Variants in PGCKA1 observed in about 807,000 individuals in gnomAD.
The protein encoded by PGCKA1 is PDCD10 and GCKIII kinases associated 1.
the PGCKA1 span, chr4:37,590,990 AGACT>A: frequency 8.7e-6 from 14 of 1,609,318 alleles, no homozygotes; most frequent in Non-Finnish European, 9.3e-6. Flanking sequence ...GATTTGGATG[AGACT>A]GATTAGGGGA....
chr4:37,536,247 G>T, the PGCKA1 span, among the ~76,000 whole-genome samples: 1 of 152,196 alleles, frequency 6.6e-6, no homozygotes, highest in Non-Finnish European at 1.5e-5. Context: ...ATCCTATTAG[G>T]ACTTTGACCC....
the PGCKA1 span, among the ~76,000 whole-genome samples, chr4:37,500,927 G>A: frequency 6.6e-6 from 1 of 152,078 alleles, no homozygotes; most frequent in African/African-American, 2.4e-5. Flanking sequence ...CTGAAATTAG[G>A]ACTGCAGCCC....
the PGCKA1 span, among the ~76,000 whole-genome samples, chr4:37,528,387 C>T: frequency 6.6e-6 from 1 of 152,166 alleles, no homozygotes; most frequent in Non-Finnish European, 1.5e-5. Flanking sequence ...GCAGCCGCAT[C>T]TCACCCAAGA....
the PGCKA1 span, among the ~76,000 whole-genome samples, chr4:37,557,829 T>G: frequency 8.5e-5 from 13 of 152,222 alleles, no homozygotes; most frequent in African/African-American, 3.1e-4. Flanking sequence ...TGTCAGGAGC[T>G]GGGCTGCAAA....
chr4:37,508,681 A>ATATTTTTTTTTT, the PGCKA1 span, among the ~76,000 whole-genome samples: 1 of 45,480 alleles, frequency 2.2e-5, no homozygotes, highest in Non-Finnish European at 4.3e-5. Context: ...TTTTTGCTGA[A>ATATTTTTTTTTT]TCTTTTTTTT....
chr4:37,500,226 GTCTT>G, the PGCKA1 span, among the ~76,000 whole-genome samples: 1 of 152,036 alleles, frequency 6.6e-6, no homozygotes, highest in Admixed American at 6.6e-5. Flanking sequence ...GCCCAGCCAA[GTCTT>G]TCTAACTTTT....
chr4:37,453,918 C>A, the PGCKA1 span: 2 of 152,530 alleles, frequency 1.3e-5, no homozygotes, highest in Non-Finnish European at 2.9e-5. Flanking sequence ...GCGGCCGCTG[C>A]GAGCTCGGCG....
At chr4:37,508,581 T>C in the PGCKA1 span, among the ~76,000 whole-genome samples, 4 of 151,906 alleles carry the variant, frequency 2.6e-5, no homozygotes, top group South Asian at 6.3e-4. Context: ...ACAATAAACA[T>C]CCACAGACAT....
At chr4:37,564,735 G>A in the PGCKA1 span, among the ~76,000 whole-genome samples, 3 of 152,068 alleles carry the variant, frequency 2.0e-5, no homozygotes, top group African/African-American at 7.2e-5. Context: ...TCGAACTCCT[G>A]ACCTCAGGTG....
the PGCKA1 span, among the ~76,000 whole-genome samples, chr4:37,544,606 T>C: frequency 6.6e-6 from 1 of 151,988 alleles, no homozygotes; most frequent in Non-Finnish European, 1.5e-5. Flanking sequence ...TCTGTTGAAA[T>C]AGTTATTTTT....
the PGCKA1 span, among the ~76,000 whole-genome samples, chr4:37,454,994 T>C: frequency 6.6e-6 from 1 of 152,220 alleles, no homozygotes; most frequent in African/African-American, 2.4e-5. Flanking sequence ...ATTTTCTTCC[T>C]GTCACTATTT....
At chr4:37,553,664 A>G in the PGCKA1 span, among the ~76,000 whole-genome samples, 1 of 152,238 alleles carries the variant, frequency 6.6e-6, no homozygotes, top group Non-Finnish European at 1.5e-5. Flanking sequence ...CAGATATGTT[A>G]AAAGGTAAAT....
At chr4:37,509,581 A>G in the PGCKA1 span, among the ~76,000 whole-genome samples, 1 of 151,922 alleles carries the variant, frequency 6.6e-6, no homozygotes, top group Non-Finnish European at 1.5e-5. Flanking sequence ...CAGAGGCTGC[A>G]ATCTCGGCAC....
chr4:37,466,661 G>A, the PGCKA1 span, among the ~76,000 whole-genome samples: 1 of 149,408 alleles, frequency 6.7e-6, no homozygotes. Context: ...TCCTAGGATA[G>A]TCAATAAGAT....
chr4:37,462,406 T>A, the PGCKA1 span, among the ~76,000 whole-genome samples: 1 of 152,224 alleles, frequency 6.6e-6, no homozygotes, highest in Non-Finnish European at 1.5e-5. Flanking sequence ...TTCTATTTGG[T>A]CTTTGGAGGA....
the PGCKA1 span, among the ~76,000 whole-genome samples, chr4:37,454,716 T>G: frequency 0.023 from 3,562 of 152,320 alleles, 61 homozygotes; most frequent in Non-Finnish European, 0.039. Flanking sequence ...TAGGTTGCAT[T>G]GACCTTGGCA....
the PGCKA1 span, chr4:37,588,670 A>T: frequency 1.4e-5 from 8 of 561,032 alleles, no homozygotes; most frequent in Non-Finnish European, 2.6e-5. Context: ...GCGGTGATGG[A>T]AATGGGGTAT....
chr4:37,546,965 G>A, the PGCKA1 span, among the ~76,000 whole-genome samples: 1 of 152,264 alleles, frequency 6.6e-6, no homozygotes, highest in Non-Finnish European at 1.5e-5. Flanking sequence ...TTGAGTGGAA[G>A]TGTGGCCTGA....
the PGCKA1 span, among the ~76,000 whole-genome samples, chr4:37,507,753 G>A: frequency 6.6e-6 from 1 of 151,994 alleles, no homozygotes; most frequent in Non-Finnish European, 1.5e-5. Context: ...TTTTCTGTGT[G>A]CTTATGATTA....
Sources: allele counts gnomAD v4.1 joint callset (sites outside exome capture counted in the v4.1 genomes callset), GRCh38; gene constraint gnomAD v4.1.1; transcripts MANE v1.5; gene names NCBI Gene and HGNC (gene_info 2026-07-23, HGNC 2026-07-21).